Variants in PDGFRA observed in about 807,000 individuals in gnomAD.
The protein encoded by PDGFRA is platelet-derived growth factor receptor alpha.
A neutral mutation model predicts 121.5 loss-of-function variants in PDGFRA; 25 were observed. That is an observed-to-expected ratio of 0.21 (90% CI 0.15 to 0.29). The LOEUF (loss-of-function observed/expected upper bound fraction) is 0.29, where lower values mean the gene tolerates loss of function less well. Among genes scored for constraint, PDGFRA ranks in the 10% least tolerant of loss-of-function variants. The pLI is 1.00. For synonymous variants in PDGFRA, 463 were observed against 494.8 expected (o/e 0.94, Z 0.85); for missense variants, 1,008 against 1,345.1 (o/e 0.75, Z 3.92).
At chr4:54,233,297 C>T (rs560670289) in intron 1 of PDGFRA, among the ~76,000 whole-genome samples, 3 of 152,322 alleles carry the variant, frequency 2.0e-5, no homozygotes, top group African/African-American at 7.2e-5. Flanking sequence ...CAGTGTTCCT[C>T]TGGGTCCCGG....
rs1721572847 is a variant in PDGFRA, at chr4:54,245,276, C to T, written c.-12-13481C>T. Among the ~76,000 whole-genome samples the T allele has an allele frequency of 2.0e-5, 3 of 151,976 alleles. No homozygotes were observed. The South Asian group carries it at 6.2e-4, about 32-fold the overall frequency. ...CAAGACACATAATTGTCAGATTCAC[C>T]AAAGTTGAAGGAAAAAATGTTAAGG... On this transcript the variant is annotated intron_variant, in intron 1 of 22. Coordinates refer to ENST00000257290, the MANE Select transcript of PDGFRA (RefSeq NM_006206.6).
At chr4:54,241,964 A>G (rs191459708) in intron 1 of PDGFRA, among the ~76,000 whole-genome samples, 34 of 152,328 alleles carry the variant, frequency 2.2e-4, no homozygotes, top group Non-Finnish European at 4.6e-4. Flanking sequence ...TTGACTTTTA[A>G]TTCTAGAATC....
At chr4:54,284,479 G>A (rs1445285027) in intron 16 of PDGFRA, among the ~76,000 whole-genome samples, 2 of 151,918 alleles carry the variant, frequency 1.3e-5, no homozygotes, top group African/African-American at 4.8e-5. Context: ...TTCTGGAGAG[G>A]CCTCAGGAAG....
intron 18 of PDGFRA, among the ~76,000 whole-genome samples, chr4:54,286,548 G>C (rs11931555): frequency 0.2 from 30,556 of 151,610 alleles, 3,678 homozygotes; most frequent in African/African-American, 0.32. Flanking sequence ...GTAGAGACAG[G>C]GTTTCACCAT....
In PDGFRA at chr4:54,268,402, G is replaced by A. The variant is rs113062396; in HGVS notation, c.1121+661G>A. 7.7e-3 allele frequency among the ~76,000 whole-genome samples: 1,171 copies of A among 152,324 alleles called. 19 individuals are homozygous for A. The highest frequency in any genetic ancestry group is 0.027 in the African/African-American group (1,105 of 41,574). On this transcript the variant is annotated intron_variant, in intron 7 of 22. Coordinates refer to ENST00000257290, the MANE Select transcript of PDGFRA (RefSeq NM_006206.6). ...TCCTTCAAGGCAAGGAATTGGATCA[G>A]ATGATATCATGAGGCCTCTTAAGGT...
intron 1 of PDGFRA, among the ~76,000 whole-genome samples, chr4:54,233,059 C>T (rs998393220): frequency 1.3e-5 from 2 of 151,174 alleles, no homozygotes; most frequent in Non-Finnish European, 1.5e-5. Context: ...TTCCCGCTCT[C>T]CCCCCTCTCT....
At chr4:54,276,927 T>A (rs1723760972) in intron 12 of PDGFRA, among the ~76,000 whole-genome samples, 1 of 152,218 alleles carries the variant, frequency 6.6e-6, no homozygotes, top group African/African-American at 2.4e-5. Context: ...CTGAAGTTTT[T>A]ATTTAGTCAC....
At chr4:54,239,207 A>G (rs1055974257) in intron 1 of PDGFRA, among the ~76,000 whole-genome samples, 1 of 152,222 alleles carries the variant, frequency 6.6e-6, no homozygotes, top group Non-Finnish European at 1.5e-5. Flanking sequence ...TAAAAAGGGG[A>G]GGAACCCTCA....
At chr4:54,266,880 A>G (rs1723057408) in intron 5 of PDGFRA, among the ~76,000 whole-genome samples, 1 of 152,066 alleles carries the variant, frequency 6.6e-6, no homozygotes, top group African/African-American at 2.4e-5. Flanking sequence ...TACTCAGGAG[A>G]CTGAGGTGGG....
At chr4:54,260,397 GTTTTTTTTTT>G (rs68009440) in intron 2 of PDGFRA, among the ~76,000 whole-genome samples, 134 of 64,614 alleles carry the variant, frequency 2.1e-3, no homozygotes, top group African/African-American at 7.8e-3. Context: ...TTCCATGTGG[GTTTTTTTTTT>G]TTTTTTTTTT....
intron 15 of PDGFRA, among the ~76,000 whole-genome samples, chr4:54,279,647 C>T (rs1423601071): frequency 6.6e-6 from 1 of 151,888 alleles, no homozygotes; most frequent in East Asian, 1.9e-4. Context: ...TTTTGGTGCA[C>T]CCATCACTGG....
chr4:54,274,705 GAGA>G, intron 11 of PDGFRA, 80 bp downstream of exon 11: 15 of 1,435,386 alleles, frequency 1.0e-5, no homozygotes, highest in Non-Finnish European at 1.5e-5. Context: ...GCTTGGCACA[GAGA>G]AGGAGCTCAG....
intron 10 of PDGFRA, 99 bp downstream of exon 10, chr4:54,273,829 C>T: frequency 1.1e-6 from 1 of 929,684 alleles, no homozygotes; most frequent in Admixed American, 1.9e-5. Flanking sequence ...AATGAAGGTC[C>T]CAAGGCAGAA....
Position 54,296,246 on chromosome 4 carries a change from CA to C in PDGFRA, c.*978del, listed in dbSNP as rs1284798007. ...CTGAAATAATGGGATTAGAAACAAA[CA>C]AAACTCTTAAGTCCTAAAAGTTCTC... On this transcript the variant is annotated 3_prime_UTR_variant, in exon 23 of 23. Coordinates refer to ENST00000257290, the MANE Select transcript of PDGFRA (RefSeq NM_006206.6). 1 of 232,666 alleles carries C rather than the reference CA, an allele frequency of 4.3e-6. No individual in the cohort carries two copies. The highest frequency in any genetic ancestry group is 6.1e-5 in the East Asian group (1 of 16,492). The allele number at this position is 232,666 out of a possible 1,614,324, so 14.4% of individuals were successfully genotyped here.
intron 1 of PDGFRA, among the ~76,000 whole-genome samples, chr4:54,232,834 C>T (rs1459410453): frequency 1.3e-5 from 2 of 152,226 alleles, no homozygotes; most frequent in Non-Finnish European, 2.9e-5. Context: ...ATCCGCCCAC[C>T]TCGGCCTCCC....
At position 54,295,710 on chromosome 4, in the gene PDGFRA, A is replaced by G. The variant is rs781218745; in HGVS notation, c.*438A>G. 2 of 265,394 alleles carry G rather than the reference A, an allele frequency of 7.5e-6. No homozygotes were observed. Among genetic ancestry groups the G allele is most frequent in the Non-Finnish European group, 7.3e-6 (1 of 136,884 alleles). The allele number at this position is 265,394 out of a possible 1,614,324, so 16.4% of individuals were successfully genotyped here. A position where few individuals can be genotyped will look rare whatever the true frequency, so the allele number is the denominator to read the frequency against. On this transcript the variant is annotated 3_prime_UTR_variant, in exon 23 of 23. Coordinates refer to ENST00000257290, the MANE Select transcript of PDGFRA (RefSeq NM_006206.6). The stretch of plus-strand genomic sequence containing the variant: ...TCTGAAGAGACCACTCAATCCATCC[A>G]TGTACTTCCCTCTTGAAACCTGATG...
chr4:54,272,624 T>G (rs1304957336), intron 9 of PDGFRA, 104 bp downstream of exon 9: 10 of 1,309,168 alleles, frequency 7.6e-6, no homozygotes, highest in East Asian at 2.3e-5. Context: ...GATAGGGTTT[T>G]GGGTGTGATA....
chr4:54,278,291 C>T (rs2110313989), intron 14 of PDGFRA, 71 bp from the exon 15 acceptor site: 2 of 1,109,484 alleles, frequency 1.8e-6, no homozygotes, highest in Non-Finnish European at 2.7e-6. Context: ...GCCATATGGT[C>T]TGCAGGACAA....
At chr4:54,281,958 T>C (rs1291613321) in intron 16 of PDGFRA, 1 of 1,092,312 alleles carries the variant, frequency 9.2e-7, no homozygotes, top group African/African-American at 1.6e-5. Flanking sequence ...AAAAAGAAAA[T>C]AAAGCAATTC....
Sources: gnomAD v4.1 joint callset for allele counts (sites outside exome capture counted in the v4.1 genomes callset) on GRCh38, gnomAD v4.1.1 for gene constraint, MANE v1.5 for transcripts, NCBI Gene and HGNC (gene_info 2026-07-23, HGNC 2026-07-21) for gene names.